SBF2: variants seen among roughly 807,000 people sequenced by gnomAD.
SBF2 encodes the protein myotubularin-related protein 13.
In SBF2, 112 loss-of-function variants were observed where a neutral mutation model predicts 225.2. The ratio of observed to expected loss-of-function variants is 0.50; its 90% confidence interval spans 0.43 to 0.58. The LOEUF is 0.58. Among genes scored for constraint, SBF2 ranks in the 20% least tolerant of loss-of-function variants. SBF2 has a pLI of 0.00. For missense variants in SBF2, 1,996 were observed against 2,206.2 expected (o/e 0.90, Z 1.91); for synonymous variants, 763 against 773.3 (o/e 0.99, Z 0.22).
intron 2 of SBF2, among the ~76,000 whole-genome samples, chr11:10,113,312 C>T (rs1952970610): frequency 6.6e-6 from 1 of 152,040 alleles, no homozygotes; most frequent in South Asian, 2.1e-4. Context: ...TTTCTAATAA[C>T]AACATACATG....
intron 1 of SBF2, among the ~76,000 whole-genome samples, chr11:10,288,836 C>T (rs1565439824): frequency 1.3e-5 from 2 of 152,176 alleles, no homozygotes; most frequent in Non-Finnish European, 2.9e-5. Context: ...ACAAAGTGCA[C>T]ACCAATTGTC....
At chr11:10,084,746 T>C (rs1027156658) in intron 2 of SBF2, among the ~76,000 whole-genome samples, 4 of 152,170 alleles carry the variant, frequency 2.6e-5, no homozygotes, top group African/African-American at 9.7e-5. Context: ...GGAATACTAT[T>C]CAGCATAAAA....
At chr11:10,116,880 C>G (rs1280707746) in intron 2 of SBF2, among the ~76,000 whole-genome samples, 1 of 152,082 alleles carries the variant, frequency 6.6e-6, no homozygotes, top group Non-Finnish European at 1.5e-5. Context: ...TGTAAGTTAC[C>G]CATGGCATTT....
At chr11:10,050,527 T>C (rs558437670) in intron 2 of SBF2, among the ~76,000 whole-genome samples, 230 of 152,246 alleles carry the variant, frequency 1.5e-3, no homozygotes, top group African/African-American at 5.3e-3. Flanking sequence ...AATAATAAAA[T>C]ATAACAATTA....
rs768034301 is a variant in SBF2, at chr11:9,790,674, A to C, written c.4580T>G (p.Phe1527Cys). 1.9e-6 allele frequency: 3 copies of C among 1,582,494 alleles called. No individual in the cohort carries two copies. The highest frequency in any genetic ancestry group is 2.7e-5 in the African/African-American group (2 of 74,092). The change falls in exon 34 of 40, where the codon TTT becomes TGT. Residue 1527 changes from phenylalanine to cysteine, a missense_variant. Phe to Cys is a radical substitution (Grantham distance 205). Coordinates refer to ENST00000256190, the MANE Select transcript of SBF2 (RefSeq NM_030962.4). ...DYERLEHGTL[F>C]DDKGEKHAKK... Reference sequence around the variant, plus strand: ...GGCATGCTTTTCTCCTTTATCATCAAATAAAGTTCCTGTAGATTAAAAAAA... The same window carrying C: ...GGCATGCTTTTCTCCTTTATCATCACATAAAGTTCCTGTAGATTAAAAAAA...
chr11:9,933,786 A>C (rs1864678243), intron 16 of SBF2, among the ~76,000 whole-genome samples: 1 of 152,254 alleles, frequency 6.6e-6, no homozygotes, highest in African/African-American at 2.4e-5. Context: ...AAAAGCTAGC[A>C]GAAGGCAAGA....
intron 17 of SBF2, among the ~76,000 whole-genome samples, chr11:9,886,302 T>G (rs1332164901): frequency 2.0e-5 from 3 of 152,250 alleles, no homozygotes; most frequent in African/African-American, 7.2e-5. Context: ...ATGATTCTCC[T>G]GTGCTGTCTC....
At position 9,812,716 on chromosome 11, in the gene SBF2, T is replaced by C. The variant is rs1247811146; in HGVS notation, c.3979-8A>G. 1 of 1,613,882 alleles carries C rather than the reference T, an allele frequency of 6.2e-7. No homozygotes were observed. The highest frequency in any genetic ancestry group is 8.5e-7 in the Non-Finnish European group (1 of 1,179,876). The stretch of plus-strand genomic sequence containing the variant: ...AAATTCTACCTTGAAGTTCTGCGGA[T>C]GAAGATTCAGAGAATTAGGCAGATG... On this transcript the variant is annotated splice_polypyrimidine_tract_variant and splice_region_variant and intron_variant, in intron 29 of 39. Transcript: ENST00000256190.
intron 1 of SBF2, among the ~76,000 whole-genome samples, chr11:10,251,517 T>C (rs1960348438): frequency 1.3e-5 from 2 of 152,162 alleles, no homozygotes; most frequent in Admixed American, 1.3e-4. Context: ...GATTATAAAA[T>C]TTCAGTTGTA....
chr11:10,232,885 A>T (rs1958914119), intron 1 of SBF2, among the ~76,000 whole-genome samples: 1 of 152,216 alleles, frequency 6.6e-6, no homozygotes, highest in African/African-American at 2.4e-5. Flanking sequence ...CAGACAAGTC[A>T]TTTACTTTGT....
At chr11:10,304,313 T>G (rs1378872270) in intron 1 of SBF2, among the ~76,000 whole-genome samples, 2 of 152,210 alleles carry the variant, frequency 1.3e-5, no homozygotes. Flanking sequence ...GGTTATGACC[T>G]TATAAGGCAT....
At chr11:9,790,451 A>T in intron 34 of SBF2, 105 bp downstream of exon 34, 1 of 955,652 alleles carries the variant, frequency 1.0e-6, no homozygotes, top group Non-Finnish European at 1.6e-6. Flanking sequence ...TATGAAACCT[A>T]GTCCAATGTT....
chr11:10,110,222 T>A (rs771555469), intron 2 of SBF2, among the ~76,000 whole-genome samples: 5 of 152,232 alleles, frequency 3.3e-5, no homozygotes, highest in Non-Finnish European at 5.9e-5. Flanking sequence ...AGTCTTCCAC[T>A]ATTCTGAAGG....
chr11:10,254,905 A>C (rs1399010047), intron 1 of SBF2, among the ~76,000 whole-genome samples: 1 of 21,052 alleles, frequency 4.8e-5, no homozygotes, highest in Non-Finnish European at 1.3e-4. Flanking sequence ...TGTCTCAAAA[A>C]AAAAAAAAAA....
At chr11:9,922,066 G>C (rs996138499) in intron 16 of SBF2, among the ~76,000 whole-genome samples, 3 of 152,116 alleles carry the variant, frequency 2.0e-5, no homozygotes, top group African/African-American at 7.2e-5. Context: ...GGGCAACATA[G>C]TGGGACTCCG....
chr11:10,289,316 C>T (rs887516033), intron 1 of SBF2, among the ~76,000 whole-genome samples: 5 of 152,128 alleles, frequency 3.3e-5, no homozygotes, highest in South Asian at 2.1e-4. Flanking sequence ...GCCTCCTGCT[C>T]GTGGCCCCTT....
intron 2 of SBF2, among the ~76,000 whole-genome samples, chr11:10,048,250 C>T (rs1012121271): frequency 6.6e-6 from 1 of 152,198 alleles, no homozygotes. Flanking sequence ...AATTCCATAA[C>T]CCTATATCTC....
chr11:10,072,182 C>T (rs1365803788), intron 2 of SBF2, among the ~76,000 whole-genome samples: 1 of 152,172 alleles, frequency 6.6e-6, no homozygotes, highest in Admixed American at 6.6e-5. Flanking sequence ...CATAAAAATA[C>T]CTAATTTTGA....
intron 36 of SBF2, among the ~76,000 whole-genome samples, chr11:9,787,304 G>T (rs534155624): frequency 7.9e-5 from 12 of 152,312 alleles, no homozygotes; most frequent in African/African-American, 2.9e-4. Flanking sequence ...TGGAGCAAAC[G>T]TGGTCTTGGC....
Sources: allele counts gnomAD v4.1 joint callset (sites outside exome capture counted in the v4.1 genomes callset), GRCh38; gene constraint gnomAD v4.1.1; transcripts MANE v1.5; gene names NCBI Gene and HGNC (gene_info 2026-07-23, HGNC 2026-07-21).